RAB27B: variants seen among roughly 807,000 people sequenced by gnomAD.
RAB27B encodes ras-related protein Rab-27B.
RAB27B carries 15 observed loss-of-function variants against 24.6 expected under a neutral mutation model. The ratio of observed to expected loss-of-function variants is 0.61; its 90% CI spans 0.41 to 0.94. The LOEUF (loss-of-function observed/expected upper bound fraction) is 0.94. Among genes scored for constraint, RAB27B ranks in the 40% least tolerant of loss-of-function variants. The pLI is 0.00. For missense variants in RAB27B, 261 were observed against 266.8 expected, an observed-to-expected ratio of 0.98 and a Z score of 0.15; for synonymous variants, 105 against 92.5, an observed-to-expected ratio of 1.14 and a Z score of -0.78.
Position 54,879,221 on chromosome 18 carries a change from A to G in RAB27B, c.154-148A>G, listed in dbSNP as rs1912823777. ...TTTAAAAGTGAGAGTACATGTGATA[A>G]TTCTGGAAAAAAATAAAGCAAATAT... On this transcript the variant is annotated intron_variant, in intron 2 of 5. Coordinates refer to ENST00000262094, the MANE Select transcript of RAB27B (RefSeq NM_004163.4). 5 of 639,578 alleles carry G rather than the reference A, an allele frequency of 7.8e-6. No individual in the cohort carries two copies. The East Asian group carries it at 1.4e-4, about 18-fold the overall frequency. 39.6% of individuals were successfully genotyped at this position (639,578 alleles called of 1,614,324 possible).
chr18:54,863,647 G>A (rs9955576), intron 1 of RAB27B, among the ~76,000 whole-genome samples: 148,015 of 152,274 alleles, frequency 0.97, 72,068 homozygotes, highest in East Asian at 1. Context: ...ACAGAAACCC[G>A]TATACATTGG....
chr18:54,766,151 A>T (rs900982654), intron 2 of RAB27B, among the ~76,000 whole-genome samples: 1 of 152,198 alleles, frequency 6.6e-6, no homozygotes, highest in African/African-American at 2.4e-5. Context: ...GGAATAACAC[A>T]TGGCTTTCTT....
At chr18:54,738,647 C>T (rs1418172317) in intron 2 of RAB27B, among the ~76,000 whole-genome samples, 3 of 152,122 alleles carry the variant, frequency 2.0e-5, no homozygotes, top group African/African-American at 7.2e-5. Context: ...GACTAATACA[C>T]CTATCATATC....
At chr18:54,751,484 G>A (rs1240130219) in intron 2 of RAB27B, among the ~76,000 whole-genome samples, 1 of 152,160 alleles carries the variant, frequency 6.6e-6, no homozygotes, top group Non-Finnish European at 1.5e-5. Context: ...ATATTTGAAT[G>A]TAGGAGTCGG....
At chr18:54,835,793 C>A (rs1226942680) in intron 1 of RAB27B, among the ~76,000 whole-genome samples, 1 of 151,986 alleles carries the variant, frequency 6.6e-6, no homozygotes, top group Non-Finnish European at 1.5e-5. Context: ...ACTAGGCCAT[C>A]ATCAGATGCT....
chr18:54,859,428 TCA>T, intron 1 of RAB27B, among the ~76,000 whole-genome samples: 1 of 151,100 alleles, frequency 6.6e-6, no homozygotes, highest in African/African-American at 2.4e-5. Flanking sequence ...TGTAATTTCA[TCA>T]AACCATCCAC....
At chr18:54,786,785 A>G (rs1266245856) in intron 2 of RAB27B, among the ~76,000 whole-genome samples, 2 of 152,248 alleles carry the variant, frequency 1.3e-5, no homozygotes, top group Non-Finnish European at 2.9e-5. Flanking sequence ...GGACTATCTG[A>G]AGTTTATCAA....
intron 2 of RAB27B, among the ~76,000 whole-genome samples, chr18:54,752,880 T>C (rs766506644): frequency 9.9e-5 from 15 of 152,140 alleles, no homozygotes; most frequent in Non-Finnish European, 2.1e-4. Flanking sequence ...TGTCTACTTT[T>C]TGTGTCTATC....
At chr18:54,777,368 A>G (rs1908749379) in intron 2 of RAB27B, among the ~76,000 whole-genome samples, 1 of 152,210 alleles carries the variant, frequency 6.6e-6, no homozygotes, top group South Asian at 2.1e-4. Context: ...GTAGTGAATG[A>G]GAAAATGTTA....
intron 2 of RAB27B, among the ~76,000 whole-genome samples, chr18:54,803,521 T>C (rs1909675603): frequency 6.6e-6 from 1 of 152,152 alleles, no homozygotes; most frequent in African/African-American, 2.4e-5. Context: ...TGACTTACCT[T>C]ATTTTTCAAA....
At chr18:54,837,021 CCTA>C (rs10553094) in intron 1 of RAB27B, among the ~76,000 whole-genome samples, 61,473 of 151,692 alleles carry the variant, frequency 0.41, 14,143 homozygotes, top group East Asian at 0.52. Context: ...TCATTAAGTG[CCTA>C]CTATCTGTCA....
intron 2 of RAB27B, among the ~76,000 whole-genome samples, chr18:54,741,879 G>A (rs1417002641): frequency 6.6e-6 from 1 of 152,148 alleles, no homozygotes; most frequent in African/African-American, 2.4e-5. Flanking sequence ...CTGGCAGTAG[G>A]TAAGAAGTCA....
At chr18:54,722,084 T>C (rs1421388565) in intron 2 of RAB27B, among the ~76,000 whole-genome samples, 2 of 152,214 alleles carry the variant, frequency 1.3e-5, no homozygotes, top group Non-Finnish European at 1.5e-5. Context: ...TATGACACTA[T>C]GGAAGAATTT....
At chr18:54,760,581 G>C (rs570081108) in intron 2 of RAB27B, among the ~76,000 whole-genome samples, 90 of 152,332 alleles carry the variant, frequency 5.9e-4, no homozygotes, top group African/African-American at 2.1e-3. Context: ...TTTAGTCCAG[G>C]CAACAGATGA....
chr18:54,758,599 G>GTC (rs1389077034), intron 2 of RAB27B, among the ~76,000 whole-genome samples: 1 of 148,090 alleles, frequency 6.8e-6, no homozygotes, highest in African/African-American at 2.5e-5. Context: ...AGACAATGAT[G>GTC]TCTCTCTCTC....
chr18:54,830,015 G>A (rs1319378677), intron 1 of RAB27B, among the ~76,000 whole-genome samples: 2 of 152,082 alleles, frequency 1.3e-5, no homozygotes, highest in South Asian at 2.1e-4. Flanking sequence ...CATTGCTTTC[G>A]AAAGGAAAAC....
At position 54,889,344 on chromosome 18, in the gene RAB27B, T is replaced by C; in HGVS notation, c.588T>C (p.Asp196=). Residue 196 remains aspartate, a synonymous_variant, in exon 6 of 6, where the codon GAT becomes GAC. Coordinates refer to ENST00000262094, the MANE Select transcript of RAB27B (RefSeq NM_004163.4). ...GTGTGGAGAAGACACAAATCCCTGA[T>C]ACTGTCAATGGTGGAAATTCTGGAA... ...EQCVEKTQIP[D]TVNGGNSGNL... 1 of 1,613,364 alleles carries C rather than the reference T, an allele frequency of 6.2e-7. No homozygotes were observed.
chr18:54,771,695 A>G (rs1288761920), intron 2 of RAB27B, among the ~76,000 whole-genome samples: 8 of 151,902 alleles, frequency 5.3e-5, no homozygotes, highest in Non-Finnish European at 1.2e-4. Flanking sequence ...GAACTCCTTC[A>G]CATTCTCTTT....
chr18:54,871,817 TC>T (rs1405445404), intron 1 of RAB27B, among the ~76,000 whole-genome samples: 1 of 127,888 alleles, frequency 7.8e-6, no homozygotes, highest in Non-Finnish European at 1.6e-5. Flanking sequence ...GCCACTGCAC[TC>T]CAGCCTGGGC....
Sources: gnomAD v4.1 joint callset for allele counts (sites outside exome capture counted in the v4.1 genomes callset) on GRCh38, gnomAD v4.1.1 for gene constraint, MANE v1.5 for transcripts, NCBI Gene and HGNC (gene_info 2026-07-23, HGNC 2026-07-21) for gene names.